The following BBOF1 variants were observed in gnomAD, a reference collection of about 807,000 sequenced individuals.
BBOF1 encodes the protein basal body orientation factor 1.
Under a neutral mutation model 68.0 loss-of-function variants are expected in BBOF1, and 62 were observed. The ratio of observed to expected loss-of-function variants is 0.91; its 90% CI spans 0.74 to 1.13. BBOF1 has a LOEUF of 1.13. Ranked by LOEUF, BBOF1 falls within the 50% of genes most tolerant of loss-of-function variation. The pLI is 0.00. For missense variants in BBOF1, 534 were observed against 600.1 expected, an observed-to-expected ratio of 0.89 and a Z score of 1.15; for synonymous variants, 208 against 198.8, an observed-to-expected ratio of 1.05 and a Z score of -0.39.
At chr14:74,021,330 T>C (rs1453576763) in intron 1 of BBOF1, among the ~76,000 whole-genome samples, 7 of 152,084 alleles carry the variant, frequency 4.6e-5, no homozygotes, top group African/African-American at 1.7e-4. Flanking sequence ...TCGTGGCTCA[T>C]GCCCAGCACT....
At chr14:74,067,563 T>G (rs1566830594), downstream of BBOF1, 1 of 1,613,934 alleles carries the variant, frequency 6.2e-7, no homozygotes. Flanking sequence ...CCATGGTTCT[T>G]GGCTCCCTAA....
chr14:74,050,041 A>G lies in BBOF1; in HGVS notation c.1132A>G (p.Arg378Gly). The change falls in exon 8 of 12, where the codon AGG becomes GGG. Residue 378 changes from arginine (R) to glycine (G), a missense_variant. Coordinates refer to ENST00000394009, the MANE Select transcript of BBOF1 (RefSeq NM_025057.3). ...AGTGAAGCAACAGATCCTAATTAGC[A>G]GGAAGCATTATAAGCAGATAGCACA... ...HQVKQQILIS[R>G]KHYKQIAQAA... The G allele has an allele frequency of 6.2e-7, 1 of 1,614,194 alleles. No homozygotes were observed.
intron 5 of BBOF1, among the ~76,000 whole-genome samples, chr14:74,043,879 G>T (rs2059891010): frequency 6.6e-6 from 1 of 151,938 alleles, no homozygotes; most frequent in Non-Finnish European, 1.5e-5. Context: ...CTGGAATGCT[G>T]TTCCTCCAGC....
chr14:74,024,301 TA>T, intron 2 of BBOF1, among the ~76,000 whole-genome samples: 2 of 151,008 alleles, frequency 1.3e-5, no homozygotes, highest in Non-Finnish European at 3.0e-5. Flanking sequence ...CTACACAAAG[TA>T]AAAAATAGCC....
chr14:74,057,953 G>T, intron 11 of BBOF1: 1 of 934,184 alleles, frequency 1.1e-6, no homozygotes, highest in Middle Eastern at 5.4e-4. Context: ...GAATCTCTGT[G>T]ACTACATTTA....
intron 1 of BBOF1, among the ~76,000 whole-genome samples, chr14:74,019,842 C>G (rs1160129663): frequency 6.6e-6 from 1 of 152,240 alleles, no homozygotes; most frequent in African/African-American, 2.4e-5. Flanking sequence ...CCAAACTGAT[C>G]AGAGCCACTG....
chr14:74,069,030 C>T (rs774328066), downstream of BBOF1: 11 of 1,581,026 alleles, frequency 7.0e-6, no homozygotes, highest in Middle Eastern at 1.7e-4. Flanking sequence ...AATGGATTCT[C>T]AACATGGCAA....
downstream of BBOF1, among the ~76,000 whole-genome samples, chr14:74,070,080 A>G (rs191934391): frequency 3.3e-5 from 5 of 151,948 alleles, no homozygotes; most frequent in African/African-American, 1.2e-4. Context: ...GGCTCAAGTG[A>G]TCCGCCTGCC....
chr14:74,041,779 G>A (rs1175642907), intron 5 of BBOF1, among the ~76,000 whole-genome samples: 1 of 152,144 alleles, frequency 6.6e-6, no homozygotes, highest in African/African-American at 2.4e-5. Flanking sequence ...GTTCACTCCT[G>A]TAATCCCAGC....
downstream of BBOF1, among the ~76,000 whole-genome samples, chr14:74,068,464 T>C (rs1173926379): frequency 6.7e-6 from 1 of 149,562 alleles, no homozygotes; most frequent in African/African-American, 2.5e-5. Context: ...TTCAGGAGGA[T>C]ATGGTAAGGC....
chr14:74,060,684 AG>A, intron 11 of BBOF1: 2 of 1,614,056 alleles, frequency 1.2e-6, no homozygotes, highest in Non-Finnish European at 1.7e-6. Flanking sequence ...GTGAGGAAAG[AG>A]TAGCATCTTC....
intron 8 of BBOF1, among the ~76,000 whole-genome samples, chr14:74,050,880 G>A (rs1292154811): frequency 1.3e-5 from 2 of 151,840 alleles, no homozygotes; most frequent in Non-Finnish European, 2.9e-5. Flanking sequence ...AGGCCAAGTC[G>A]GATGGATCAC....
Position 74,045,253 on chromosome 14 carries a change from A to G in BBOF1, c.577-807A>G, listed in dbSNP as rs2059923979. Among the ~76,000 whole-genome samples the G allele has an allele frequency of 2.6e-5, 4 of 152,146 alleles. No individual in the cohort carries two copies. The South Asian group carries it at 8.3e-4, about 32-fold the overall frequency. ...AGGGACCTTGTCTGTTTTGTTCACT[A>G]CAGAATTTCAGTATCTAAAACAGTC... is the stretch of plus-strand genomic sequence containing the variant. On this transcript the variant is annotated intron_variant, in intron 5 of 11. Coordinates refer to ENST00000394009, the MANE Select transcript of BBOF1 (RefSeq NM_025057.3).
chr14:74,074,278 C>T (rs893945813), intron 9 of BBOF1, among the ~76,000 whole-genome samples: 2 of 146,940 alleles, frequency 1.4e-5, no homozygotes, highest in Non-Finnish European at 3.0e-5. Context: ...CGCCCGGCCC[C>T]TTTCACTAAA....
chr14:74,028,081 T>G (rs1026798801), intron 2 of BBOF1, among the ~76,000 whole-genome samples: 1 of 152,038 alleles, frequency 6.6e-6, no homozygotes. Context: ...AAATAGATAC[T>G]GAAAGGCCAG....
intron 1 of BBOF1, among the ~76,000 whole-genome samples, chr14:74,020,788 G>A (rs534272806): frequency 8.5e-4 from 129 of 152,292 alleles, no homozygotes; most frequent in African/African-American, 3.0e-3. Flanking sequence ...ACAGCCGTGA[G>A]CCACCATGCC....
intron 4 of BBOF1, among the ~76,000 whole-genome samples, chr14:74,039,092 C>T (rs2059775271): frequency 6.6e-6 from 1 of 152,028 alleles, no homozygotes; most frequent in African/African-American, 2.4e-5. Flanking sequence ...AAAAATGATC[C>T]ATCCCTTACA....
At chr14:74,033,343 G>A (rs1053537655) in intron 3 of BBOF1, among the ~76,000 whole-genome samples, 8 of 152,244 alleles carry the variant, frequency 5.3e-5, no homozygotes, top group African/African-American at 1.9e-4. Flanking sequence ...CAAAGCGGGT[G>A]GATCACCTGA....
intron 5 of BBOF1, among the ~76,000 whole-genome samples, chr14:74,042,547 G>T (rs968440234): frequency 1.3e-5 from 2 of 152,170 alleles, no homozygotes; most frequent in Non-Finnish European, 2.9e-5. Context: ...CTGTGTTCAA[G>T]ACAAGAAGGG....
Sources: gnomAD v4.1 joint callset for allele counts (sites outside exome capture counted in the v4.1 genomes callset) on GRCh38, gnomAD v4.1.1 for gene constraint, MANE v1.5 for transcripts, NCBI Gene and HGNC (gene_info 2026-07-23, HGNC 2026-07-21) for gene names.